Variants in GLIS1 observed in about 807,000 individuals in gnomAD.
GLIS1 encodes GLIS family zinc finger 1.
In GLIS1, 24 loss-of-function variants were observed where a neutral mutation model predicts 63.8. The ratio of observed to expected loss-of-function variants is 0.38; its 90% CI spans 0.27 to 0.53. GLIS1 has a LOEUF of 0.53. GLIS1 is among the 20% of genes least tolerant of loss of function. The probability of loss-of-function intolerance (pLI) is 0.85; values close to 1 mark genes in which losing one functional copy is unlikely to be tolerated. For missense variants in GLIS1, 1,036 were observed against 1,074.1 expected, an observed-to-expected ratio of 0.96 and a Z score of 0.50; for synonymous variants, 450 against 482.5, an observed-to-expected ratio of 0.93 and a Z score of 0.88.
chr1:53,508,293 G>A (rs1221094076), intron 10 of GLIS1, among the ~76,000 whole-genome samples: 6 of 152,234 alleles, frequency 3.9e-5, no homozygotes, highest in South Asian at 4.1e-4. Context: ...GTGTGTGGAC[G>A]TGGACCCACA....
At position 53,594,827 on chromosome 1, in the gene GLIS1, G is replaced by A; in HGVS notation, c.601C>T (p.Leu201Phe). The change falls in exon 4 of 11, where the codon CTC becomes TTC. Residue 201 changes from leucine (L) to phenylalanine (F), a missense_variant. This residue lies in a region of GLIS1 where 592 missense variants were observed against 593.9 expected (regional missense o/e 1.00). Transcript: ENST00000628545. ...LATGLHPDLDLPGRSLATPAP... is the reference protein window; with the variant it reads ...LATGLHPDLDFPGRSLATPAP... ...GGGGTGGCGAGGCTTCGGCCCGGGA[G>A]GTCCAGGTCTGGGTGCAGGCCAGTG... 1.2e-6 allele frequency: 2 copies of A among 1,605,482 alleles called. No individual in the cohort carries two copies. Among genetic ancestry groups the A allele is most frequent in the Non-Finnish European group, 1.7e-6 (2 of 1,177,386 alleles).
intron 5 of GLIS1, among the ~76,000 whole-genome samples, chr1:53,528,501 A>G (rs1644494673): frequency 1.3e-5 from 2 of 152,078 alleles, no homozygotes; most frequent in Non-Finnish European, 2.9e-5. Context: ...CCAGGATGAA[A>G]CTGGGGGCAG....
intron 2 of GLIS1, among the ~76,000 whole-genome samples, chr1:53,688,566 C>T (rs1407804996): frequency 6.6e-6 from 1 of 152,192 alleles, no homozygotes; most frequent in African/African-American, 2.4e-5. Flanking sequence ...ATGTCCTTCC[C>T]GAGCTCCACA....
Position 53,707,624 on chromosome 1 carries a change from T to C in GLIS1, c.259+30182A>G, listed in dbSNP as rs145401263. Among the ~76,000 whole-genome samples, 332 of 151,554 alleles carry C rather than the reference T, an allele frequency of 2.2e-3. 3 individuals are homozygous for C. Among genetic ancestry groups the C allele is most frequent in the African/African-American group, 7.7e-3 (317 of 41,296 alleles). On this transcript the variant is annotated intron_variant, in intron 2 of 10. Coordinates refer to ENST00000628545, the MANE Select transcript of GLIS1 (RefSeq NM_001367484.1). The stretch of plus-strand genomic sequence containing the variant: ...GACATTGCACCACTGCACTGCAGCC[T>C]GGGTGACAAAGTGAGACTCCGTCTC...
At chr1:53,705,780 A>G (rs1646573168) in intron 2 of GLIS1, among the ~76,000 whole-genome samples, 1 of 152,166 alleles carries the variant, frequency 6.6e-6, no homozygotes, top group Non-Finnish European at 1.5e-5. Flanking sequence ...TCCACTTTTT[A>G]TATTTACCCA....
chr1:53,608,467 T>C lies in GLIS1; in HGVS notation c.260-8189A>G, dbSNP rs1015609339. 3.3e-5 allele frequency among the ~76,000 whole-genome samples: 5 copies of C among 152,178 alleles called. No individual in the cohort carries two copies. In the East Asian group the frequency reaches 9.6e-4, roughly 29 times the overall value. ...TCACGCCCTCCTTTTCCCTCCCTAG[T>C]AGGATCCCATATTTCCTATATCTAG... On this transcript the variant is annotated intron_variant, in intron 2 of 10. Coordinates refer to ENST00000628545, the MANE Select transcript of GLIS1 (RefSeq NM_001367484.1).
chr1:53,620,332 C>T (rs1645529523), intron 2 of GLIS1, among the ~76,000 whole-genome samples: 1 of 152,206 alleles, frequency 6.6e-6, no homozygotes, highest in African/African-American at 2.4e-5. Context: ...AGTGTACCAC[C>T]TTGATGCTCC....
intron 5 of GLIS1, 37 bp from the exon 6 acceptor site, chr1:53,524,924 C>T: frequency 1.3e-6 from 2 of 1,501,714 alleles, no homozygotes; most frequent in Non-Finnish European, 1.9e-6. Context: ...TGAGTGAGGC[C>T]CATCCCTACG....
At chr1:53,716,260 G>A (rs1298814510) in intron 2 of GLIS1, among the ~76,000 whole-genome samples, 1 of 152,162 alleles carries the variant, frequency 6.6e-6, no homozygotes, top group Non-Finnish European at 1.5e-5. Flanking sequence ...AACTAGGGTA[G>A]GGGCCCAACA....
At chr1:53,687,438 G>A (rs573530594) in intron 2 of GLIS1, among the ~76,000 whole-genome samples, 7 of 152,210 alleles carry the variant, frequency 4.6e-5, no homozygotes, top group Admixed American at 3.3e-4. Flanking sequence ...CAACCAGCCC[G>A]CCCCGCTTCA....
At chr1:53,689,228 T>C (rs765271569) in intron 2 of GLIS1, among the ~76,000 whole-genome samples, 1 of 152,110 alleles carries the variant, frequency 6.6e-6, no homozygotes, top group Non-Finnish European at 1.5e-5. Context: ...CAGTAAGTGC[T>C]GTGATGGAGC....
At chr1:53,720,607 T>C (rs1646744523) in intron 2 of GLIS1, among the ~76,000 whole-genome samples, 1 of 152,060 alleles carries the variant, frequency 6.6e-6, no homozygotes, top group Non-Finnish European at 1.5e-5. Context: ...TTAACAGTAA[T>C]AGTACAAAAT....
chr1:53,710,037 G>C (rs1646630209), intron 2 of GLIS1, among the ~76,000 whole-genome samples: 1 of 152,160 alleles, frequency 6.6e-6, no homozygotes. Flanking sequence ...ATTTCCCTGA[G>C]GATGCATGCT....
chr1:53,696,698 T>C (rs1361837141), intron 2 of GLIS1, among the ~76,000 whole-genome samples: 1 of 151,244 alleles, frequency 6.6e-6, no homozygotes, highest in East Asian at 2.0e-4. Flanking sequence ...CAGAGCTCAC[T>C]GCTGTCCTCA....
At chr1:53,527,058 C>G (rs953457827) in intron 5 of GLIS1, among the ~76,000 whole-genome samples, 1 of 152,182 alleles carries the variant, frequency 6.6e-6, no homozygotes, top group African/African-American at 2.4e-5. Context: ...ACCAGCCATC[C>G]GCCATCTCCC....
At chr1:53,698,575 A>G (rs1365933310) in intron 2 of GLIS1, among the ~76,000 whole-genome samples, 1 of 152,182 alleles carries the variant, frequency 6.6e-6, no homozygotes, top group Non-Finnish European at 1.5e-5. Context: ...GGGGTGAGAT[A>G]TTTGTGAGCA....
At position 53,592,205 on chromosome 1, in the gene GLIS1, C is replaced by T. The variant is rs144170403; in HGVS notation, c.1320+1903G>A. Reference sequence around the variant, plus strand: ...AGTAACCCAGGCCCCTCTGACCCCTCGCTGGGCCCTGTTTCCCAAGCTAGA... The same window carrying T: ...AGTAACCCAGGCCCCTCTGACCCCTTGCTGGGCCCTGTTTCCCAAGCTAGA... On this transcript the variant is annotated intron_variant, in intron 4 of 10. Transcript: ENST00000628545. 2.8e-3 allele frequency among the ~76,000 whole-genome samples: 419 copies of T among 152,302 alleles called. 2 individuals are homozygous for T. Among genetic ancestry groups the T allele is most frequent in the African/African-American group, 8.4e-3 (351 of 41,552 alleles).
Position 53,639,862 on chromosome 1 carries a change from T to C in GLIS1, c.260-39584A>G, listed in dbSNP as rs1645767324. On this transcript the variant is annotated intron_variant, in intron 2 of 10. Coordinates refer to ENST00000628545, the MANE Select transcript of GLIS1 (RefSeq NM_001367484.1). The surrounding 1 kb of genome is among the most constrained non-coding windows in gnomAD (Gnocchi z 4.6). The stretch of plus-strand genomic sequence containing the variant: ...TGAGGAAAGTAGGCAAATGTGGATG[T>C]TGTTTAAAAGCTGTGGCTTTGCTGC... 6.6e-6 allele frequency among the ~76,000 whole-genome samples: 1 copy of C among 152,142 alleles called. No homozygotes were observed. Among genetic ancestry groups the C allele is most frequent in the African/African-American group, 2.4e-5 (1 of 41,408 alleles).
chr1:53,717,529 C>T (rs1489018884), intron 2 of GLIS1, among the ~76,000 whole-genome samples: 7 of 152,154 alleles, frequency 4.6e-5, no homozygotes, highest in African/African-American at 7.2e-5. Context: ...ACTTCTTCTA[C>T]GGGGAAAATT....
Sources: gnomAD v4.1 joint callset for allele counts (sites outside exome capture counted in the v4.1 genomes callset) on GRCh38, gnomAD v4.1.1 for gene constraint, gnomAD v4.1.1 regional missense constraint, Gnocchi (gnomAD v3.1) non-coding constraint, MANE v1.5 for transcripts, NCBI Gene and HGNC (gene_info 2026-07-23, HGNC 2026-07-21) for gene names.